KIAA0825: variants seen among roughly 807,000 people sequenced by gnomAD.
KIAA0825 encodes the protein uncharacterized protein KIAA0825.
KIAA0825 carries 119 observed loss-of-function variants against 147.6 expected under a neutral mutation model. The observed-to-expected ratio is 0.81, with a 90% CI of 0.69 to 0.94. KIAA0825 has a LOEUF of 0.94. Ranked by LOEUF, KIAA0825 falls within the 40% of genes least tolerant of loss-of-function variation. KIAA0825 has a pLI of 0.00. For missense variants in KIAA0825, 1,381 were observed against 1,472.7 expected, an observed-to-expected ratio of 0.94 and a Z score of 1.02; for synonymous variants, 470 against 518.1, an observed-to-expected ratio of 0.91 and a Z score of 1.26.
intron 5 of KIAA0825, among the ~76,000 whole-genome samples, chr5:94,503,072 A>AT (rs1765275747): frequency 2.0e-5 from 3 of 148,522 alleles, no homozygotes; most frequent in South Asian, 4.2e-4. Context: ...TCTCAAAAAA[A>AT]AATATATATA....
At chr5:94,344,009 G>A (rs867597963) in intron 20 of KIAA0825, among the ~76,000 whole-genome samples, 38 of 152,234 alleles carry the variant, frequency 2.5e-4, no homozygotes, top group Admixed American at 7.2e-4. Context: ...AATTTCTGGC[G>A]GAAATGTAAA....
chr5:94,434,848 T>C (rs934154381), intron 14 of KIAA0825, among the ~76,000 whole-genome samples: 2 of 152,236 alleles, frequency 1.3e-5, no homozygotes, highest in Non-Finnish European at 2.9e-5. Context: ...CCTCATGCCC[T>C]ATCGACTCTT....
At chr5:94,610,513 T>C (rs1429576599) in intron 1 of KIAA0825, among the ~76,000 whole-genome samples, 2 of 148,732 alleles carry the variant, frequency 1.3e-5, no homozygotes, top group Admixed American at 6.7e-5. Context: ...CCTGTAATCC[T>C]AGCACTTTGG....
intron 20 of KIAA0825, among the ~76,000 whole-genome samples, chr5:94,308,933 G>A (rs1443306525): frequency 1.3e-5 from 2 of 151,786 alleles, no homozygotes; most frequent in Non-Finnish European, 2.9e-5. Context: ...ATTTCCAATT[G>A]GAAGCTTGAA....
intron 13 of KIAA0825, among the ~76,000 whole-genome samples, chr5:94,452,456 TCACATAATGC>T (rs1344876394): frequency 4.6e-5 from 7 of 152,326 alleles, no homozygotes; most frequent in African/African-American, 1.7e-4. Context: ...AACTGCCATT[TCACATAATGC>T]CACAAAATGC....
chr5:94,487,464 G>C (rs1584651819), intron 5 of KIAA0825, among the ~76,000 whole-genome samples: 1 of 152,274 alleles, frequency 6.6e-6, no homozygotes, highest in East Asian at 1.9e-4. Context: ...GGATGAAGTA[G>C]CATTTCCCAA....
intron 15 of KIAA0825, chr5:94,412,981 A>G (rs1752965061): frequency 1.3e-5 from 2 of 148,866 alleles, no homozygotes; most frequent in Admixed American, 6.7e-5. Flanking sequence ...TTTGAGATGA[A>G]GTTTCACTCA....
intron 6 of KIAA0825, among the ~76,000 whole-genome samples, chr5:94,483,597 T>C (rs963115414): frequency 2.0e-5 from 3 of 151,858 alleles, no homozygotes; most frequent in Non-Finnish European, 2.9e-5. Flanking sequence ...GGGGTTTTTT[T>C]TGGGGTTGGC....
intron 20 of KIAA0825, among the ~76,000 whole-genome samples, chr5:94,316,335 T>C (rs1004510481): frequency 2.0e-5 from 3 of 151,542 alleles, no homozygotes; most frequent in Non-Finnish European, 4.4e-5. Flanking sequence ...CTAAACCACC[T>C]GAAATATTAC....
At chr5:94,482,431 T>C (rs1419344079) in intron 6 of KIAA0825, among the ~76,000 whole-genome samples, 1 of 152,056 alleles carries the variant, frequency 6.6e-6, no homozygotes, top group African/African-American at 2.4e-5. Context: ...TAGCAAAATA[T>C]GCTCCAATCA....
At chr5:94,343,137 A>C (rs945189029) in intron 20 of KIAA0825, among the ~76,000 whole-genome samples, 2 of 152,238 alleles carry the variant, frequency 1.3e-5, no homozygotes, top group Non-Finnish European at 2.9e-5. Context: ...GACCAAGCCA[A>C]GATCAATTGA....
chr5:94,516,746 C>G (rs1413459631), intron 5 of KIAA0825, among the ~76,000 whole-genome samples: 1 of 143,496 alleles, frequency 7.0e-6, no homozygotes, highest in African/African-American at 2.6e-5. Context: ...GCGGAGATCG[C>G]GCCACAGCAC....
intron 20 of KIAA0825, among the ~76,000 whole-genome samples, chr5:94,340,347 A>AT (rs933302371): frequency 2.0e-5 from 3 of 152,002 alleles, no homozygotes; most frequent in Non-Finnish European, 4.4e-5. Context: ...CAAACCATCC[A>AT]TTTTTTGGGG....
At chr5:94,499,031 T>G (rs1347104820) in intron 5 of KIAA0825, among the ~76,000 whole-genome samples, 2 of 152,194 alleles carry the variant, frequency 1.3e-5, no homozygotes, top group Admixed American at 6.5e-5. Flanking sequence ...CCTCCTAGAT[T>G]TGAAGGCACT....
intron 20 of KIAA0825, among the ~76,000 whole-genome samples, chr5:94,336,368 G>A (rs1047737683): frequency 1.3e-5 from 2 of 151,024 alleles, no homozygotes; most frequent in East Asian, 1.9e-4. Context: ...CCATCAACCC[G>A]TCATCTACAT....
intron 5 of KIAA0825, among the ~76,000 whole-genome samples, chr5:94,511,370 C>T (rs2151164817): frequency 6.6e-6 from 1 of 152,334 alleles, no homozygotes; most frequent in South Asian, 2.1e-4. Context: ...CCTGTAATCC[C>T]AGTACTTTGG....
At chr5:94,345,647 G>A (rs1213793296) in intron 20 of KIAA0825, among the ~76,000 whole-genome samples, 1 of 152,040 alleles carries the variant, frequency 6.6e-6, no homozygotes, top group Non-Finnish European at 1.5e-5. Flanking sequence ...AATAACAAAA[G>A]CTCTAAACAT....
intron 16 of KIAA0825, among the ~76,000 whole-genome samples, chr5:94,400,990 T>A (rs1029728953): frequency 1.6e-4 from 24 of 152,120 alleles, no homozygotes; most frequent in Admixed American, 3.3e-4. Context: ...GATTTTTTTT[T>A]AAAGACCTTT....
intron 20 of KIAA0825, among the ~76,000 whole-genome samples, chr5:94,213,842 C>G (rs910026548): frequency 5.3e-5 from 8 of 152,172 alleles, no homozygotes; most frequent in African/African-American, 1.9e-4. Context: ...TGCCCTTTCT[C>G]TTGTTCCAGG....
Sources: allele counts gnomAD v4.1 joint callset (sites outside exome capture counted in the v4.1 genomes callset), GRCh38; gene constraint gnomAD v4.1.1; transcripts MANE v1.5; gene names NCBI Gene and HGNC (gene_info 2026-07-23, HGNC 2026-07-21).